The following EIF4G3 variants were observed in gnomAD, a reference collection of about 807,000 sequenced individuals.
EIF4G3 encodes eIF-4-gamma 3.
EIF4G3 carries 34 observed loss-of-function variants against 186.4 expected under a neutral mutation model. The observed-to-expected ratio is 0.18, with a 90% confidence interval of 0.14 to 0.24. The LOEUF is 0.24. Among genes scored for constraint, EIF4G3 ranks in the 10% least tolerant of loss-of-function variants. The probability of loss-of-function intolerance (pLI) is 1.00; values close to 1 mark genes in which losing one functional copy is unlikely to be tolerated. For missense variants in EIF4G3, 1,536 were observed against 1,948.5 expected (o/e 0.79, Z 3.99); for synonymous variants, 673 against 679.5 (o/e 0.99, Z 0.15).
rs115760887 is a variant in EIF4G3 at position 20,964,304 on chromosome 1, C to A, written c.714+5170G>T. 3.1e-3 allele frequency among the ~76,000 whole-genome samples: 476 copies of A among 152,240 alleles called. 3 individuals carry two copies. The highest frequency in any genetic ancestry group is 0.011 in the African/African-American group (460 of 41,540). ...TAAATCTAAGTAACACAGTGAAAAC[C>A]AGCAGCAAGTGTTCTCGTGAGCCAT... On this transcript the variant is annotated intron_variant, in intron 12 of 36. Transcript: ENST00000602326.
At chr1:20,915,832 T>C (rs1374583399) in intron 14 of EIF4G3, among the ~76,000 whole-genome samples, 1 of 152,204 alleles carries the variant, frequency 6.6e-6, no homozygotes, top group Non-Finnish European at 1.5e-5. Flanking sequence ...ACCACTTCTA[T>C]TCAACATTGT....
In EIF4G3 at chr1:21,023,427, C is replaced by A. The variant is rs537970696; in HGVS notation, c.-66-20619G>T. Among the ~76,000 whole-genome samples the A allele has an allele frequency of 5.5e-3, 839 of 152,018 alleles. 4 individuals carry two copies. Among genetic ancestry groups the A allele is most frequent in the Non-Finnish European group, 0.01 (680 of 67,920 alleles). Reference sequence around the variant, plus strand: ...GCGATTGCAGGCACGCGCCGCCATGCCTGACTGGTTTTGGTGGAGACAGGG... The same window carrying A: ...GCGATTGCAGGCACGCGCCGCCATGACTGACTGGTTTTGGTGGAGACAGGG... On this transcript the variant is annotated intron_variant, in intron 4 of 36. Coordinates refer to ENST00000602326, the MANE Select transcript of EIF4G3 (RefSeq NM_001391906.1).
intron 13 of EIF4G3, among the ~76,000 whole-genome samples, chr1:20,946,889 T>C (rs751572693): frequency 3.3e-5 from 5 of 152,048 alleles, no homozygotes; most frequent in Non-Finnish European, 5.9e-5. Context: ...AACATGAGAT[T>C]GTGTAACTGA....
intron 4 of EIF4G3, among the ~76,000 whole-genome samples, chr1:21,047,916 G>C: frequency 6.6e-6 from 1 of 152,104 alleles, no homozygotes; most frequent in Admixed American, 6.5e-5. Flanking sequence ...AATCCATAGA[G>C]GCTTCCCTCT....
In EIF4G3 at chr1:20,941,932, T is replaced by C. The variant is rs1558347806; in HGVS notation, c.1222A>G (p.Ser408Gly). 6.2e-7 allele frequency: 1 copy of C among 1,614,214 alleles called. No homozygotes were observed. Among genetic ancestry groups the C allele is most frequent in the Non-Finnish European group, 8.5e-7 (1 of 1,180,012 alleles). ...TTTATTTCATTAATTAGGTTAGTAC[T>C]AGAAACCAGTGGAATATCATTAGGT... ...VAPNDIPLVSSTNLINEINGV... is the reference protein window; with the variant it reads ...VAPNDIPLVSGTNLINEINGV... Residue 408 changes from serine to glycine, a missense_variant, in exon 14 of 37, where the codon AGT becomes GGT. Ser to Gly is a moderately conservative substitution (Grantham distance 56). Around this residue, in one of 11 missense-constraint regions of EIF4G3, gnomAD observed 560 missense variants for 547.8 expected, o/e 1.02. Transcript: ENST00000602326.
chr1:20,926,680 G>GAAAAAAAAAAAAA (rs376198678), intron 14 of EIF4G3, among the ~76,000 whole-genome samples: 2 of 124,372 alleles, frequency 1.6e-5, no homozygotes, highest in Admixed American at 8.2e-5. Flanking sequence ...AAAAAGAAAA[G>GAAAAAAAAAAAAA]AAAAAAAAAA....
At chr1:20,963,690 A>G (rs2073964766) in intron 12 of EIF4G3, among the ~76,000 whole-genome samples, 1 of 152,168 alleles carries the variant, frequency 6.6e-6, no homozygotes, top group African/African-American at 2.4e-5. Context: ...ATGGTGGCTC[A>G]TGCCTGTAAT....
At chr1:20,989,056 AGGAGG>A (rs1282326465) in intron 7 of EIF4G3, among the ~76,000 whole-genome samples, 9 of 2,332 alleles carry the variant, frequency 3.9e-3, no homozygotes, top group Admixed American at 0.01. Context: ...AGGAGAGGAG[AGGAGG>A]GGAGGGGAGG....
intron 4 of EIF4G3, among the ~76,000 whole-genome samples, chr1:21,011,643 C>A (rs773122237): frequency 6.6e-6 from 1 of 152,116 alleles, no homozygotes; most frequent in Non-Finnish European, 1.5e-5. Flanking sequence ...ATTACCCTAC[C>A]CTACCTACCC....
At chr1:20,864,974 T>C (rs2077237078) in intron 21 of EIF4G3, 142 bp downstream of exon 21, 1 of 952,648 alleles carries the variant, frequency 1.0e-6, no homozygotes, top group African/African-American at 1.6e-5. Flanking sequence ...CCCCTAAACA[T>C]TAATATGTTG....
chr1:21,167,845 A>G, intron 2 of EIF4G3: 1 of 289,948 alleles, frequency 3.4e-6, no homozygotes, highest in South Asian at 3.1e-5. Flanking sequence ...TAAAGAGATA[A>G]TAAAGAAATG....
intron 22 of EIF4G3, among the ~76,000 whole-genome samples, chr1:20,863,659 G>T (rs768679564): frequency 9.2e-5 from 14 of 151,438 alleles, no homozygotes; most frequent in Non-Finnish European, 1.8e-4. Context: ...GGTCAGGCTG[G>T]TCACGAACTC....
intron 4 of EIF4G3, among the ~76,000 whole-genome samples, chr1:21,042,338 CTTAA>C (rs904070186): frequency 1.1e-4 from 16 of 152,134 alleles, no homozygotes; most frequent in African/African-American, 1.7e-4. Context: ...ATTCTTTATA[CTTAA>C]TTGATTCTAT....
intron 33 of EIF4G3, 31 bp from the exon 34 acceptor site, chr1:20,817,569 T>C (rs765332733): frequency 1.7e-5 from 24 of 1,416,788 alleles, no homozygotes; most frequent in African/African-American, 1.5e-4. Context: ...CATATTAATA[T>C]ATTAATATAA....
chr1:21,048,691 C>G (rs971370933), intron 4 of EIF4G3, among the ~76,000 whole-genome samples: 1 of 152,096 alleles, frequency 6.6e-6, no homozygotes, highest in Admixed American at 6.5e-5. Flanking sequence ...AGCTTTCCCT[C>G]GGCACCCTAG....
chr1:21,071,309 G>A (rs2095433432), intron 3 of EIF4G3, among the ~76,000 whole-genome samples: 1 of 152,166 alleles, frequency 6.6e-6, no homozygotes, highest in South Asian at 2.1e-4. Flanking sequence ...CTACTTGGGA[G>A]GCTGAGGCAG....
intron 3 of EIF4G3, among the ~76,000 whole-genome samples, chr1:21,079,982 C>T (rs2095714949): frequency 6.6e-6 from 1 of 151,574 alleles, no homozygotes; most frequent in African/African-American, 2.4e-5. Flanking sequence ...TGAACCCCGT[C>T]ACTACCAAAA....
intron 30 of EIF4G3, among the ~76,000 whole-genome samples, chr1:20,839,062 T>C (rs2067632508): frequency 6.6e-6 from 1 of 152,110 alleles, no homozygotes; most frequent in Admixed American, 6.6e-5. Flanking sequence ...CACTGCAACC[T>C]CCACCTCCCT....
chr1:20,918,273 A>G (rs961393163), intron 14 of EIF4G3, among the ~76,000 whole-genome samples: 6 of 152,170 alleles, frequency 3.9e-5, no homozygotes, highest in African/African-American at 1.4e-4. Flanking sequence ...GCACTGGCGC[A>G]GTCACGGCTC....
Sources: gnomAD v4.1 joint callset for allele counts (sites outside exome capture counted in the v4.1 genomes callset) on GRCh38, gnomAD v4.1.1 for gene constraint, gnomAD v4.1.1 regional missense constraint, MANE v1.5 for transcripts, NCBI Gene and HGNC (gene_info 2026-07-23, HGNC 2026-07-21) for gene names.